Variants in TRPC7 observed in about 807,000 individuals in gnomAD.
The protein encoded by TRPC7 is short transient receptor potential channel 7.
A neutral mutation model predicts 90.1 loss-of-function variants in TRPC7; 42 were observed. The observed-to-expected ratio is 0.47, with a 90% CI of 0.36 to 0.60. TRPC7 has a LOEUF of 0.60. Ranked by LOEUF, TRPC7 falls within the 20% of genes least tolerant of loss-of-function variation. The pLI, the probability that TRPC7 is intolerant of heterozygous loss-of-function variation, is 0.00. For missense variants in TRPC7, 955 were observed against 1,112.3 expected, an observed-to-expected ratio of 0.86 and a Z score of 2.01; for synonymous variants, 451 against 436.3, an observed-to-expected ratio of 1.03 and a Z score of -0.42.
intron 3 of TRPC7, among the ~76,000 whole-genome samples, chr5:136,313,813 C>A (rs75604309): frequency 0.026 from 3,967 of 152,302 alleles, 190 homozygotes; most frequent in African/African-American, 0.091. Context: ...TTGGCAAATA[C>A]CACTGGAGCC....
intron 3 of TRPC7, among the ~76,000 whole-genome samples, chr5:136,278,862 T>C (rs529343639): frequency 6.6e-6 from 1 of 152,234 alleles, no homozygotes; most frequent in South Asian, 2.1e-4. Flanking sequence ...AGATTCTATC[T>C]GGATGCCTCT....
In TRPC7 at chr5:136,356,738, G is replaced by T; in HGVS notation, c.650C>A (p.Ser217Ter). The T allele has an allele frequency of 1.2e-6, 2 of 1,612,488 alleles. No individual in the cohort carries two copies. Among genetic ancestry groups the T allele is most frequent in the Non-Finnish European group, 1.7e-6 (2 of 1,178,994 alleles). Residue 217 changes from serine to a stop codon, truncating the protein, a stop_gained, in exon 2 of 12, where the codon TCG becomes TAG. Transcript: ENST00000513104. LOFTEE classifies it high-confidence loss of function. ...QRKDSFSHSR[S>*]RMNAYKGLAS... ...CAGTCCTTTGTAGGCGTTCATGCGC[G>T]AGCGCGAGTGGCTGAAGGAGTCTTT...
At position 136,251,675 on chromosome 5, in the gene TRPC7, G is replaced by C; in HGVS notation, c.1553C>G (p.Pro518Arg). Reference protein sequence around the residue: ...QDDTLHNVSLPPEVAYFTYAR... With the variant: ...QDDTLHNVSLRPEVAYFTYAR... ...GTAGGTGAAGTATGCCACTTCCGGC[G>C]GAAGCGAGACATTGTGCAGCGTGTC... Residue 518 changes from proline to arginine, a missense_variant, in exon 6 of 12, where the codon CCG becomes CGG. Around this residue, in one of 4 missense-constraint regions of TRPC7, gnomAD observed 484 missense variants for 509.6 expected, o/e 0.95. Coordinates refer to ENST00000513104, the MANE Select transcript of TRPC7 (RefSeq NM_020389.3). The C allele has an allele frequency of 6.2e-7, 1 of 1,609,618 alleles. No homozygotes were observed. Among genetic ancestry groups the C allele is most frequent in the Non-Finnish European group, 8.5e-7 (1 of 1,176,582 alleles).
At chr5:136,328,058 C>T (rs908408663) in intron 2 of TRPC7, among the ~76,000 whole-genome samples, 1 of 152,242 alleles carries the variant, frequency 6.6e-6, no homozygotes, top group East Asian at 1.9e-4. Context: ...TTTCATTAAC[C>T]TTCACCGTAT....
chr5:136,328,324 T>G (rs1252281983), intron 2 of TRPC7, among the ~76,000 whole-genome samples: 1 of 152,194 alleles, frequency 6.6e-6, no homozygotes, highest in Non-Finnish European at 1.5e-5. Flanking sequence ...GCTCTGCCAC[T>G]GGTTACCTGC....
intron 8 of TRPC7, among the ~76,000 whole-genome samples, chr5:136,230,568 T>C (rs1214581729): frequency 6.6e-6 from 1 of 152,230 alleles, no homozygotes; most frequent in Non-Finnish European, 1.5e-5. Context: ...CTTCTTAAAA[T>C]AGAATTGCAC....
At chr5:136,325,227 G>A (rs1348883179) in intron 2 of TRPC7, among the ~76,000 whole-genome samples, 3 of 152,184 alleles carry the variant, frequency 2.0e-5, no homozygotes, top group Non-Finnish European at 4.4e-5. Context: ...ATTGGAAGTC[G>A]TTGATCACCT....
At chr5:136,342,919 A>C (rs1759888847) in intron 2 of TRPC7, among the ~76,000 whole-genome samples, 1 of 152,206 alleles carries the variant, frequency 6.6e-6, no homozygotes. Context: ...CAGATAGAAC[A>C]CTGGAATGGA....
intron 3 of TRPC7, among the ~76,000 whole-genome samples, chr5:136,313,600 A>T (rs1758913065): frequency 6.6e-6 from 1 of 152,222 alleles, no homozygotes; most frequent in African/African-American, 2.4e-5. Flanking sequence ...CTGGTAATTC[A>T]TGAAGAATAA....
intron 3 of TRPC7, among the ~76,000 whole-genome samples, chr5:136,299,340 C>CATGT (rs1758294801): frequency 8.2e-6 from 1 of 122,688 alleles, no homozygotes; most frequent in African/African-American, 3.1e-5. Flanking sequence ...GGGGTGTGTG[C>CATGT]GTGTGTGTGT....
chr5:136,215,822 CAAA>C (rs567520289), intron 11 of TRPC7, among the ~76,000 whole-genome samples: 2 of 115,280 alleles, frequency 1.7e-5, no homozygotes, highest in African/African-American at 3.3e-5. Flanking sequence ...GACTCCATCT[CAAA>C]AAAAAAAAAA....
intron 2 of TRPC7, among the ~76,000 whole-genome samples, chr5:136,338,615 C>T (rs531684224): frequency 6.6e-6 from 1 of 152,232 alleles, no homozygotes; most frequent in Admixed American, 6.5e-5. Context: ...ATGTCAGATA[C>T]TCATCACCTA....
chr5:136,353,944 G>C (rs1760278594), intron 2 of TRPC7, among the ~76,000 whole-genome samples: 1 of 152,054 alleles, frequency 6.6e-6, no homozygotes, highest in Admixed American at 6.5e-5. Context: ...TGCCAGATTT[G>C]AGTTTTACTA....
chr5:136,339,630 C>A (rs1315061556), intron 2 of TRPC7, among the ~76,000 whole-genome samples: 1 of 152,102 alleles, frequency 6.6e-6, no homozygotes, highest in African/African-American at 2.4e-5. Flanking sequence ...GGTCCTGTGT[C>A]CCCCACCCAG....
chr5:136,352,947 A>T (rs1760246295), intron 2 of TRPC7, among the ~76,000 whole-genome samples: 1 of 152,226 alleles, frequency 6.6e-6, no homozygotes, highest in South Asian at 2.1e-4. Context: ...TAAACCATAA[A>T]GAAAAGGAGT....
At chr5:136,365,072 GA>G (rs11307237) in intron 1 of TRPC7, among the ~76,000 whole-genome samples, 180 bp downstream of exon 1, 107,695 of 151,392 alleles carry the variant, frequency 0.71, 38,376 homozygotes, top group Admixed American at 0.78. Flanking sequence ...TTCTATAAAA[GA>G]AAAAAAAAAT....
intron 8 of TRPC7, among the ~76,000 whole-genome samples, chr5:136,227,208 T>C (rs1755656296): frequency 6.6e-6 from 1 of 152,132 alleles, no homozygotes; most frequent in African/African-American, 2.4e-5. Flanking sequence ...GTAGCAGGTG[T>C]ATTTTGTCTA....
chr5:136,346,353 C>A (rs1760005815), intron 2 of TRPC7, among the ~76,000 whole-genome samples: 1 of 152,106 alleles, frequency 6.6e-6, no homozygotes, highest in African/African-American at 2.4e-5. Flanking sequence ...CAGTGTTTTA[C>A]TTTTATTATC....
intron 2 of TRPC7, among the ~76,000 whole-genome samples, chr5:136,323,763 G>C (rs1028785793): frequency 1.3e-5 from 2 of 152,052 alleles, no homozygotes; most frequent in Admixed American, 6.5e-5. Flanking sequence ...GGTACTTTGA[G>C]TCCTCCAGCT....
Sources: gnomAD v4.1 joint callset for allele counts (sites outside exome capture counted in the v4.1 genomes callset) on GRCh38, gnomAD v4.1.1 for gene constraint, gnomAD v4.1.1 regional missense constraint, MANE v1.5 for transcripts, NCBI Gene and HGNC (gene_info 2026-07-23, HGNC 2026-07-21) for gene names.